GLIS3: variants seen among roughly 807,000 people sequenced by gnomAD.
GLIS3 encodes GLIS family zinc finger 3, also known as zinc finger protein GLIS3.
GLIS3 carries 53 observed loss-of-function variants against 78.6 expected under a neutral mutation model. That is an observed-to-expected ratio of 0.67 (90% CI 0.54 to 0.85). GLIS3 has a LOEUF of 0.85. Ranked by LOEUF, GLIS3 falls within the 40% of genes least tolerant of loss-of-function variation. The pLI, the probability that GLIS3 is intolerant of heterozygous loss-of-function variation, is 0.00. For synonymous variants in GLIS3, 684 were observed against 509.9 expected (o/e 1.34, Z -4.60); for missense variants, 1,703 against 1,231.1 (o/e 1.38, Z -5.74).
intron 4 of GLIS3, among the ~76,000 whole-genome samples, chr9:4,095,699 G>A (rs901114065): frequency 5.3e-5 from 8 of 152,248 alleles, no homozygotes; most frequent in East Asian, 3.9e-4. Context: ...CATGTTTAAT[G>A]ATCCATCTGT....
chr9:4,086,035 G>A (rs1828994244), intron 4 of GLIS3, among the ~76,000 whole-genome samples: 2 of 152,146 alleles, frequency 1.3e-5, no homozygotes, highest in Admixed American at 1.3e-4. Context: ...CCATGTGCAC[G>A]TGCTTTTAAC....
chr9:3,979,434 G>A (rs555628620), intron 4 of GLIS3, among the ~76,000 whole-genome samples: 17 of 152,284 alleles, frequency 1.1e-4, no homozygotes, highest in East Asian at 7.7e-4. Context: ...AATAGCACAC[G>A]CTTCGAGCGA....
intron 4 of GLIS3, among the ~76,000 whole-genome samples, chr9:4,042,445 TG>T (rs1309755374): frequency 6.6e-6 from 1 of 152,206 alleles, no homozygotes; most frequent in Non-Finnish European, 1.5e-5. Flanking sequence ...CAACTGCTGC[TG>T]GGAATCATCT....
At chr9:3,969,071 T>TA (rs543297304) in intron 4 of GLIS3, among the ~76,000 whole-genome samples, 35 of 152,326 alleles carry the variant, frequency 2.3e-4, no homozygotes, top group Non-Finnish European at 5.0e-4. Flanking sequence ...GTCACAGAAC[T>TA]AAAGCCAAAG....
At chr9:4,201,083 C>G (rs1202374952) in intron 2 of GLIS3, among the ~76,000 whole-genome samples, 1 of 152,088 alleles carries the variant, frequency 6.6e-6, no homozygotes, top group Non-Finnish European at 1.5e-5. Context: ...AAAAACAAAA[C>G]CACTCGATCA....
chr9:4,170,226 AC>A (rs1816255501), intron 2 of GLIS3, among the ~76,000 whole-genome samples: 1 of 152,198 alleles, frequency 6.6e-6, no homozygotes, highest in Non-Finnish European at 1.5e-5. Context: ...GCTCTCAAAG[AC>A]TGTGAAGATA....
At chr9:4,188,614 T>C (rs534984819) in intron 2 of GLIS3, among the ~76,000 whole-genome samples, 12 of 152,292 alleles carry the variant, frequency 7.9e-5, no homozygotes, top group Admixed American at 3.9e-4. Context: ...CAGCTGTGAA[T>C]CCATCTGGTC....
At chr9:4,119,839 T>G (rs1007258977) in intron 3 of GLIS3, among the ~76,000 whole-genome samples, 2 of 152,266 alleles carry the variant, frequency 1.3e-5, no homozygotes, top group Admixed American at 1.3e-4. Flanking sequence ...TTTGCTTTAC[T>G]GTGACATTGT....
chr9:3,962,200 A>T (rs1174734347), intron 4 of GLIS3, among the ~76,000 whole-genome samples: 1 of 152,058 alleles, frequency 6.6e-6, no homozygotes, highest in Non-Finnish European at 1.5e-5. Context: ...ATCTTGGGGA[A>T]CAGAGTGAGG....
At chr9:3,991,032 A>G (rs1482837609) in intron 4 of GLIS3, among the ~76,000 whole-genome samples, 1 of 152,216 alleles carries the variant, frequency 6.6e-6, no homozygotes, top group Non-Finnish European at 1.5e-5. Context: ...GAACTTGACA[A>G]GCACCTTAGA....
intron 2 of GLIS3, among the ~76,000 whole-genome samples, chr9:4,269,605 T>G (rs1480180680): frequency 6.6e-6 from 1 of 152,234 alleles, no homozygotes; most frequent in Admixed American, 6.5e-5. Context: ...CATCATTATG[T>G]GTTCCAGTGT....
At chr9:3,894,761 T>G (rs996316754) in intron 7 of GLIS3, among the ~76,000 whole-genome samples, 35 of 152,128 alleles carry the variant, frequency 2.3e-4, no homozygotes, top group Admixed American at 2.3e-3. Flanking sequence ...CATTCAAAAT[T>G]TGGATAATTC....
At chr9:4,135,059 T>C (rs570121252) in intron 2 of GLIS3, among the ~76,000 whole-genome samples, 1 of 152,182 alleles carries the variant, frequency 6.6e-6, no homozygotes, top group Non-Finnish European at 1.5e-5. Context: ...AGAAATACAT[T>C]ATTTATTGTG....
chr9:4,268,486 A>G (rs965421035), intron 2 of GLIS3, among the ~76,000 whole-genome samples: 3 of 152,202 alleles, frequency 2.0e-5, no homozygotes, highest in African/African-American at 7.2e-5. Flanking sequence ...CAAATATACC[A>G]GCTTCATTTG....
At chr9:4,321,191 C>T (rs187717698) in intron 2 of GLIS3, among the ~76,000 whole-genome samples, 1,987 of 149,284 alleles carry the variant, frequency 0.013, 26 homozygotes, top group Non-Finnish European at 0.021. Context: ...GAGGCCGAGG[C>T]GGGCGGATCA....
chr9:3,908,706 G>GTTTTTTTTTTTTTTTTTTTT (rs34789708), intron 6 of GLIS3, among the ~76,000 whole-genome samples: 3 of 85,554 alleles, frequency 3.5e-5, no homozygotes, highest in African/African-American at 5.4e-5. Context: ...ATTTGTATTT[G>GTTTTTTTTTTTTTTTTTTTT]TTTTTTTTTT....
chr9:3,931,162 T>C (rs1825586326), intron 6 of GLIS3, among the ~76,000 whole-genome samples: 1 of 152,166 alleles, frequency 6.6e-6, no homozygotes, highest in African/African-American at 2.4e-5. Flanking sequence ...AGTGGGTTTG[T>C]ATGCAATTAA....
intron 4 of GLIS3, among the ~76,000 whole-genome samples, chr9:4,021,357 C>A (rs546562587): frequency 1.3e-5 from 2 of 152,108 alleles, no homozygotes; most frequent in African/African-American, 4.8e-5. Flanking sequence ...TAAGAGATTT[C>A]TCATGGTCCT....
intron 4 of GLIS3, among the ~76,000 whole-genome samples, chr9:3,971,479 G>A (rs988108453): frequency 4.6e-5 from 7 of 152,120 alleles, no homozygotes; most frequent in Non-Finnish European, 1.0e-4. Context: ...AAGCCATTGG[G>A]GGAAACTAAT....
Sources: gnomAD v4.1 joint callset for allele counts (sites outside exome capture counted in the v4.1 genomes callset) on GRCh38, gnomAD v4.1.1 for gene constraint, MANE v1.5 for transcripts, NCBI Gene and HGNC (gene_info 2026-07-23, HGNC 2026-07-21) for gene names.